PRKG1: variants seen among roughly 807,000 people sequenced by gnomAD.
The protein encoded by PRKG1 is cGMP-dependent protein kinase 1.
A neutral mutation model predicts 88.1 loss-of-function variants in PRKG1; 35 were observed. The observed-to-expected ratio is 0.40, with a 90% CI of 0.30 to 0.53. The LOEUF (loss-of-function observed/expected upper bound fraction) is 0.53. Ranked by LOEUF, PRKG1 falls within the 20% of genes least tolerant of loss-of-function variation. The pLI, the probability that PRKG1 is intolerant of heterozygous loss-of-function variation, is 0.59. For missense variants in PRKG1, 540 were observed against 839.8 expected (o/e 0.64, Z 4.41); for synonymous variants, 303 against 292.5 (o/e 1.04, Z -0.37).
chr10:51,398,676 A>T (rs545868754), intron 2 of PRKG1, among the ~76,000 whole-genome samples: 5 of 152,346 alleles, frequency 3.3e-5, no homozygotes, highest in African/African-American at 9.6e-5. Context: ...ACTATACATT[A>T]TTCTGGGTAT....
upstream of PRKG1, among the ~76,000 whole-genome samples, chr10:51,072,913 C>T (rs1843853423): frequency 6.6e-6 from 1 of 152,084 alleles, no homozygotes; most frequent in South Asian, 2.1e-4. Context: ...TATTTTGATA[C>T]TATTCTTTGC....
intron 9 of PRKG1, among the ~76,000 whole-genome samples, chr10:52,188,551 T>A (rs1371555536): frequency 6.6e-6 from 1 of 151,234 alleles, no homozygotes; most frequent in East Asian, 1.9e-4. Flanking sequence ...TGCATTGGAA[T>A]AAAAAAAAGT....
rs573996863 is a variant in PRKG1, at chr10:51,403,875, CTA to C, written c.479-63846_479-63845del. ...AACAATTATAAAAGAAAAAATAAAT[CTA>C]TTTTAGTTGAAGTATTTTGAAAGTG... On this transcript the variant is annotated intron_variant, in intron 2 of 17. Transcript: ENST00000373980. Among the ~76,000 whole-genome samples the C allele has an allele frequency of 2.5e-3, 373 of 152,222 alleles. 1 individual carries two copies. The highest frequency in any genetic ancestry group is 3.9e-3 in the Non-Finnish European group (268 of 67,990).
intron 5 of PRKG1, among the ~76,000 whole-genome samples, chr10:51,952,592 T>C (rs957422544): frequency 5.3e-5 from 8 of 152,208 alleles, no homozygotes; most frequent in Non-Finnish European, 1.0e-4. Flanking sequence ...TTGCAAATGC[T>C]TAATAAATAT....
intron 3 of PRKG1, among the ~76,000 whole-genome samples, chr10:51,484,593 T>C (rs1027357155): frequency 6.6e-6 from 1 of 152,062 alleles, no homozygotes; most frequent in Non-Finnish European, 1.5e-5. Flanking sequence ...TTTATTGTCA[T>C]TGAGCATTTT....
intron 2 of PRKG1, among the ~76,000 whole-genome samples, chr10:51,464,823 G>A (rs1399673669): frequency 2.0e-5 from 3 of 148,626 alleles, no homozygotes; most frequent in South Asian, 2.1e-4. Context: ...CCCGGGAGGC[G>A]GAGCTTGCAG....
At chr10:51,644,999 G>A (rs1839882200) in intron 3 of PRKG1, among the ~76,000 whole-genome samples, 1 of 152,024 alleles carries the variant, frequency 6.6e-6, no homozygotes, top group Admixed American at 6.6e-5. Flanking sequence ...TATTGGTCAG[G>A]CTGGTCTCGA....
chr10:51,552,534 A>G (rs1230133042), intron 3 of PRKG1, among the ~76,000 whole-genome samples: 3 of 151,672 alleles, frequency 2.0e-5, no homozygotes, highest in Non-Finnish European at 3.0e-5. Context: ...ATAGTTACCA[A>G]TATTACAGTC....
chr10:51,905,535 A>G (rs979069302), intron 4 of PRKG1, among the ~76,000 whole-genome samples: 3 of 152,160 alleles, frequency 2.0e-5, no homozygotes, highest in African/African-American at 7.2e-5. Context: ...ATTAATTAAG[A>G]CTATAGTTCC....
At chr10:52,119,315 A>G (rs1847761695) in intron 7 of PRKG1, among the ~76,000 whole-genome samples, 1 of 152,214 alleles carries the variant, frequency 6.6e-6, no homozygotes, top group African/African-American at 2.4e-5. Context: ...AACATTTCAC[A>G]TGTGAAAAAT....
intron 2 of PRKG1, among the ~76,000 whole-genome samples, chr10:51,408,715 G>A (rs1410482059): frequency 6.6e-6 from 1 of 152,244 alleles, no homozygotes; most frequent in Admixed American, 6.5e-5. Flanking sequence ...GAATCCGTGT[G>A]TAACCTCCAT....
chr10:51,184,414 A>G (rs1837429671), intron 2 of PRKG1, among the ~76,000 whole-genome samples: 1 of 152,206 alleles, frequency 6.6e-6, no homozygotes, highest in Non-Finnish European at 1.5e-5. Flanking sequence ...TTACCAAAGT[A>G]AAATATTTTG....
chr10:52,181,486 G>A (rs1206904361), intron 9 of PRKG1, among the ~76,000 whole-genome samples: 2 of 121,686 alleles, frequency 1.6e-5, no homozygotes, highest in Non-Finnish European at 1.7e-5. Flanking sequence ...ACATTGTGCA[G>A]GTTAGTTACA....
At chr10:51,066,020 T>C (rs1388793687) in intron 1 of PRKG1, among the ~76,000 whole-genome samples, 5 of 151,926 alleles carry the variant, frequency 3.3e-5, no homozygotes, top group African/African-American at 4.8e-5. Flanking sequence ...TGAGAGGCGG[T>C]AATGGGGAAG....
At chr10:52,003,040 G>T (rs1188944899) in intron 5 of PRKG1, among the ~76,000 whole-genome samples, 1 of 152,138 alleles carries the variant, frequency 6.6e-6, no homozygotes, top group Non-Finnish European at 1.5e-5. Context: ...CTCTGTCTCT[G>T]CATTTCTTTC....
intron 9 of PRKG1, among the ~76,000 whole-genome samples, chr10:52,237,253 T>G (rs372054033): frequency 1.4e-5 from 2 of 143,674 alleles, no homozygotes; most frequent in Non-Finnish European, 3.0e-5. Flanking sequence ...CTTTGAAAAC[T>G]GGCACAAGAC....
intron 2 of PRKG1, among the ~76,000 whole-genome samples, chr10:51,228,193 G>A (rs1386656901): frequency 6.6e-6 from 1 of 152,146 alleles, no homozygotes; most frequent in Non-Finnish European, 1.5e-5. Context: ...TTGTTTAAAG[G>A]TCTGGGATAG....
intron 1 of PRKG1, among the ~76,000 whole-genome samples, chr10:51,093,517 A>G (rs1213052357): frequency 6.6e-6 from 1 of 151,782 alleles, no homozygotes; most frequent in Non-Finnish European, 1.5e-5. Flanking sequence ...TTCTGCCCAT[A>G]CCAGTCTGAA....
chr10:51,962,366 C>A (rs569906829), intron 5 of PRKG1, among the ~76,000 whole-genome samples: 3 of 150,978 alleles, frequency 2.0e-5, no homozygotes, highest in South Asian at 2.1e-4. Context: ...GTTTCCTTAC[C>A]CAAAGATGGG....
Sources: gnomAD v4.1 joint callset for allele counts (sites outside exome capture counted in the v4.1 genomes callset) on GRCh38, gnomAD v4.1.1 for gene constraint, MANE v1.5 for transcripts, NCBI Gene and HGNC (gene_info 2026-07-23, HGNC 2026-07-21) for gene names.